Variants in NCOA1 observed in about 807,000 individuals in gnomAD.
The protein encoded by NCOA1 is Hin-2 protein.
NCOA1 carries 35 observed loss-of-function variants against 150.9 expected under a neutral mutation model. The ratio of observed to expected loss-of-function variants is 0.23; its 90% CI spans 0.18 to 0.31. The LOEUF (loss-of-function observed/expected upper bound fraction) is 0.31. Among genes scored for constraint, NCOA1 ranks in the 10% least tolerant of loss-of-function variants. The pLI is 1.00. For missense variants in NCOA1, 1,491 were observed against 1,749.3 expected, an observed-to-expected ratio of 0.85 and a Z score of 2.63; for synonymous variants, 590 against 630.0, an observed-to-expected ratio of 0.94 and a Z score of 0.95.
chr2:24,620,213 A>G lies in NCOA1; in HGVS notation c.-174-23753A>G, dbSNP rs56393373. Among the ~76,000 whole-genome samples the G allele has an allele frequency of 7.0e-3, 1,072 of 152,278 alleles. 9 individuals carry two copies. The highest frequency in any genetic ancestry group is 0.022 in the African/African-American group (914 of 41,578). The stretch of plus-strand genomic sequence containing the variant: ...TTCATCTTGCAATAATAAACTGGCA[A>G]TAATTTCAGATTTCTATTTTCATTA... On this transcript the variant is annotated intron_variant, in intron 3 of 22. Coordinates refer to ENST00000348332, the MANE Select transcript of NCOA1 (RefSeq NM_003743.5).
intron 1 of NCOA1, among the ~76,000 whole-genome samples, chr2:24,494,391 C>T (rs1663108749): frequency 6.6e-6 from 1 of 152,124 alleles, no homozygotes. Context: ...CCCAAGGACT[C>T]CACATTGTTT....
intron 1 of NCOA1, among the ~76,000 whole-genome samples, chr2:24,516,606 A>G (rs1664179995): frequency 1.3e-5 from 2 of 151,762 alleles, no homozygotes; most frequent in Admixed American, 6.6e-5. Flanking sequence ...GGCCACACTA[A>G]TGAAATGTCA....
intron 14 of NCOA1, among the ~76,000 whole-genome samples, chr2:24,714,446 G>C (rs1673916582): frequency 6.6e-6 from 1 of 151,968 alleles, no homozygotes; most frequent in Non-Finnish European, 1.5e-5. Flanking sequence ...TTCTAAATAT[G>C]TTGAAGAACT....
chr2:24,520,184 T>C (rs1056671268), intron 1 of NCOA1, among the ~76,000 whole-genome samples: 7 of 152,168 alleles, frequency 4.6e-5, no homozygotes, highest in Admixed American at 1.3e-4. Flanking sequence ...GGAAAATAGC[T>C]TGACAATTTT....
intron 15 of NCOA1, among the ~76,000 whole-genome samples, chr2:24,727,628 A>G (rs568738303): frequency 6.6e-6 from 1 of 152,288 alleles, no homozygotes; most frequent in East Asian, 1.9e-4. Context: ...CAAAGGAAGA[A>G]TGCTTATAAT....
chr2:24,710,289 G>A (rs1445674432), intron 13 of NCOA1, among the ~76,000 whole-genome samples: 21 of 151,826 alleles, frequency 1.4e-4, no homozygotes, highest in Non-Finnish European at 2.5e-4. Flanking sequence ...AGACGGGGTT[G>A]CCATGTTGGC....
At position 24,549,860 on chromosome 2, in the gene NCOA1, G is replaced by A. The variant is rs752663782; in HGVS notation, c.-395-14435G>A. ...GCTGGGATTACAGGCATGAGCCACC[G>A]CACCCAGCCTCTATTTCCTTTTTAA... On this transcript the variant is annotated intron_variant, in intron 1 of 22. Coordinates refer to ENST00000348332, the MANE Select transcript of NCOA1 (RefSeq NM_003743.5). Among the ~76,000 whole-genome samples, 6 of 152,184 alleles carry A rather than the reference G, an allele frequency of 3.9e-5. 1 individual carries two copies. Among genetic ancestry groups the A allele is most frequent in the Middle Eastern group, 3.4e-3 (1 of 294 alleles).
intron 14 of NCOA1, 95 bp from the exon 15 acceptor site, chr2:24,726,494 G>A: frequency 1.5e-6 from 1 of 656,952 alleles, no homozygotes; most frequent in Non-Finnish European, 2.6e-6. Flanking sequence ...ATATTTTAAA[G>A]GAGAAATCTC....
In NCOA1 at chr2:24,742,314, G is replaced by C. The variant is rs571050818; in HGVS notation, c.3706+128G>C. On this transcript the variant is annotated intron_variant, in intron 19 of 22. Transcript: ENST00000348332. ...AGGAAAGACACTGACGTGGGAGTCT[G>C]GAGACCCAGGATTCAGACTCAGCTT... is the stretch of plus-strand genomic sequence containing the variant. 57 of 1,100,274 alleles carry C rather than the reference G, an allele frequency of 5.2e-5. No homozygotes were observed. The African/African-American group carries it at 8.2e-4, about 16-fold the overall frequency. The allele number at this position is 1,100,274 out of a possible 1,614,324, so 68.2% of individuals were successfully genotyped here. A position where few individuals can be genotyped will look rare whatever the true frequency, so the allele number is the denominator to read the frequency against.
At chr2:24,683,212 T>A in intron 8 of NCOA1, 84 bp downstream of exon 8, 3 of 776,922 alleles carry the variant, frequency 3.9e-6, no homozygotes, top group Non-Finnish European at 3.6e-6. Flanking sequence ...GATTATTATA[T>A]TTATAATACA....
At chr2:24,754,838 A>G (rs1201755654) in intron 20 of NCOA1, among the ~76,000 whole-genome samples, 1 of 152,254 alleles carries the variant, frequency 6.6e-6, no homozygotes, top group East Asian at 1.9e-4. Context: ...ACAAATGAGT[A>G]CAAATACTCC....
rs182541501 is a variant in NCOA1 at position 24,647,835 on chromosome 2, C to T, written c.-18+3713C>T. 2.0e-3 allele frequency among the ~76,000 whole-genome samples: 301 copies of T among 152,136 alleles called. 7 individuals are homozygous for T. The highest frequency in any genetic ancestry group is 6.5e-4 in the Non-Finnish European group (44 of 67,986). ...TTATACCACTGAAGTGGCCTATAGT[C>T]GAAATATTTGAGAAGTACTGTACTG... is the stretch of plus-strand genomic sequence containing the variant. On this transcript the variant is annotated intron_variant, in intron 4 of 22. Transcript: ENST00000348332.
intron 2 of NCOA1, among the ~76,000 whole-genome samples, chr2:24,576,155 T>TTTTGTG (rs762147537): frequency 1.0e-5 from 1 of 96,446 alleles, no homozygotes; most frequent in Non-Finnish European, 2.2e-5. Context: ...CTTTGTTTTT[T>TTTTGTG]TTTTTTTGTT....
chr2:24,535,826 G>A (rs1435323301), intron 1 of NCOA1, among the ~76,000 whole-genome samples: 1 of 152,192 alleles, frequency 6.6e-6, no homozygotes, highest in Non-Finnish European at 1.5e-5. Flanking sequence ...TCCGCTGTTA[G>A]TCTGATGGGC....
At chr2:24,578,633 A>G (rs962282560) in intron 2 of NCOA1, among the ~76,000 whole-genome samples, 9 of 152,192 alleles carry the variant, frequency 5.9e-5, no homozygotes, top group African/African-American at 1.9e-4. Context: ...CTGAGTAACC[A>G]TAATAAAGAA....
chr2:24,765,197 G>C (rs1233338044), intron 22 of NCOA1, among the ~76,000 whole-genome samples: 2 of 151,490 alleles, frequency 1.3e-5, no homozygotes, highest in African/African-American at 4.8e-5. Context: ...AAGAGAGAGA[G>C]AGAGAAGGCA....
In NCOA1 at chr2:24,749,941, C is replaced by T. The variant is rs13432044; in HGVS notation, c.3707-2041C>T. Among the ~76,000 whole-genome samples, 1,062 of 152,050 alleles carry T rather than the reference C, an allele frequency of 7.0e-3. 20 individuals carry two copies. The highest frequency in any genetic ancestry group is 0.024 in the African/African-American group (996 of 41,478). ...TGTTTGTTCAAGAAGCAAGAGGAAG[C>T]TTGAATATGTTAAGTAGAGCCTAGA... On this transcript the variant is annotated intron_variant, in intron 19 of 22. Coordinates refer to ENST00000348332, the MANE Select transcript of NCOA1 (RefSeq NM_003743.5).
rs1452376628 is a variant in NCOA1 at position 24,693,355 on chromosome 2, T to C, written c.808+8T>C. On this transcript the variant is annotated splice_region_variant and intron_variant, in intron 10 of 22. Coordinates refer to ENST00000348332, the MANE Select transcript of NCOA1 (RefSeq NM_003743.5). The stretch of plus-strand genomic sequence containing the variant: ...CCAAGCAAGATACTACAGGTACTAA[T>C]TGTAAAGTTCAGAATGTTCCATAGG... 10 of 1,607,480 alleles carry C rather than the reference T, an allele frequency of 6.2e-6. No individual in the cohort carries two copies. Among genetic ancestry groups the C allele is most frequent in the Non-Finnish European group, 8.5e-6 (10 of 1,173,858 alleles).
intron 1 of NCOA1, among the ~76,000 whole-genome samples, chr2:24,504,225 G>A (rs970386010): frequency 9.2e-5 from 14 of 152,136 alleles, no homozygotes; most frequent in African/African-American, 3.4e-4. Context: ...TCAATTTGTG[G>A]GCTTTGGAAT....
Sources: gnomAD v4.1 joint callset for allele counts (sites outside exome capture counted in the v4.1 genomes callset) on GRCh38, gnomAD v4.1.1 for gene constraint, MANE v1.5 for transcripts, NCBI Gene and HGNC (gene_info 2026-07-23, HGNC 2026-07-21) for gene names.